Variants in CCDC69 observed in about 807,000 individuals in gnomAD.
CCDC69 encodes coiled-coil domain containing 69, also known as coiled-coil domain-containing protein 69.
In CCDC69, 38 loss-of-function variants were observed where a neutral mutation model predicts 40.3. The observed-to-expected ratio is 0.94, with a 90% CI of 0.73 to 1.24. The LOEUF (loss-of-function observed/expected upper bound fraction) is 1.24, where lower values mean the gene tolerates loss of function less well. CCDC69 is among the 50% of genes most tolerant of loss of function. CCDC69 has a pLI of 0.00. For synonymous variants in CCDC69, 141 were observed against 138.9 expected (o/e 1.02, Z -0.11); for missense variants, 389 against 357.9 (o/e 1.09, Z -0.70).
At chr5:151,217,452 GAA>G (rs1189406260) in intron 1 of CCDC69, among the ~76,000 whole-genome samples, 30 of 152,328 alleles carry the variant, frequency 2.0e-4, no homozygotes, top group African/African-American at 7.2e-4. Context: ...CTTGCGATAT[GAA>G]AGTTTCCTAA....
chr5:151,187,567 GC>G (rs1442783881), intron 4 of CCDC69, 108 bp from the exon 5 acceptor site: 10 of 851,152 alleles, frequency 1.2e-5, no homozygotes, highest in Middle Eastern at 2.3e-4. Context: ...GCCCATAGAG[GC>G]CAGGAGTCTA....
chr5:151,187,538 G>A, intron 4 of CCDC69, 79 bp from the exon 5 acceptor site: 1 of 1,197,518 alleles, frequency 8.4e-7, no homozygotes, highest in Non-Finnish European at 1.2e-6. Flanking sequence ...GGCCAGGAAG[G>A]TCCAGATATT....
intron 1 of CCDC69, among the ~76,000 whole-genome samples, chr5:151,219,573 C>T (rs1422072693): frequency 6.6e-6 from 1 of 151,998 alleles, no homozygotes; most frequent in Non-Finnish European, 1.5e-5. Context: ...GGGAAAATGC[C>T]CCCGGAAGAA....
chr5:151,194,102 A>C (rs1161274939), intron 4 of CCDC69, among the ~76,000 whole-genome samples: 1 of 152,240 alleles, frequency 6.6e-6, no homozygotes, highest in Non-Finnish European at 1.5e-5. Context: ...CTCATACATC[A>C]CAGATGGTGA....
intron 3 of CCDC69, among the ~76,000 whole-genome samples, chr5:151,201,339 T>C (rs906337644): frequency 6.6e-6 from 1 of 152,190 alleles, no homozygotes; most frequent in Non-Finnish European, 1.5e-5. Context: ...CAGCTTTTAC[T>C]CTTCCCAAAT....
intron 4 of CCDC69, among the ~76,000 whole-genome samples, chr5:151,196,884 G>A (rs893522030): frequency 6.6e-6 from 1 of 152,206 alleles, no homozygotes; most frequent in African/African-American, 2.4e-5. Context: ...CACCCAGGGG[G>A]AACTGAAAAC....
In CCDC69 at chr5:151,224,034, CG is replaced by C. The variant is rs1753178825; in HGVS notation, c.-65del. The stretch of plus-strand genomic sequence containing the variant: ...GGGGCCCCCAGAGGAGCCTGCGATC[CG>C]GGCCCCGCTGCCCGCTCCGCGCCCG... On this transcript the variant is annotated 5_prime_UTR_variant, in exon 1 of 9. Coordinates refer to ENST00000355417, the MANE Select transcript of CCDC69 (RefSeq NM_015621.3). 3 of 1,419,914 alleles carry C rather than the reference CG, an allele frequency of 2.1e-6. No individual in the cohort carries two copies. The highest frequency in any genetic ancestry group is 2.8e-6 in the Non-Finnish European group (3 of 1,061,304). 88.0% of individuals were successfully genotyped at this position (1,419,914 alleles called of 1,614,324 possible). A position where few individuals can be genotyped will look rare whatever the true frequency, so the allele number is the denominator to read the frequency against.
At chr5:151,194,026 C>T (rs1242297796) in intron 4 of CCDC69, among the ~76,000 whole-genome samples, 1 of 152,174 alleles carries the variant, frequency 6.6e-6, no homozygotes, top group African/African-American at 2.4e-5. Context: ...TACTGCACAC[C>T]TATTAGAACA....
chr5:151,188,979 G>A (rs1324210412), intron 4 of CCDC69, among the ~76,000 whole-genome samples: 8 of 152,100 alleles, frequency 5.3e-5, no homozygotes, highest in Non-Finnish European at 7.4e-5. Context: ...AGAATCTCAC[G>A]TATTTAGATA....
chr5:151,217,335 T>C (rs1043124222), intron 1 of CCDC69, among the ~76,000 whole-genome samples: 1 of 152,200 alleles, frequency 6.6e-6, no homozygotes, highest in Non-Finnish European at 1.5e-5. Context: ...TGCTGCCTCT[T>C]CTGCTGCCAA....
At chr5:151,215,089 G>T (rs553819951) in intron 1 of CCDC69, among the ~76,000 whole-genome samples, 1 of 152,356 alleles carries the variant, frequency 6.6e-6, no homozygotes, top group South Asian at 2.1e-4. Context: ...TGGCAGGCAG[G>T]ACCCTGAAGG....
rs79604415 is a variant in CCDC69, at chr5:151,200,390, C to T, written c.231+1192G>A. Among the ~76,000 whole-genome samples, 12 of 152,274 alleles carry T rather than the reference C, an allele frequency of 7.9e-5. No individual in the cohort carries two copies. In the East Asian group the frequency reaches 2.1e-3, roughly 27 times the overall value. On this transcript the variant is annotated intron_variant, in intron 3 of 8. Coordinates refer to ENST00000355417, the MANE Select transcript of CCDC69 (RefSeq NM_015621.3). ...CTGACGTCAGGTGATCTGCCTGCCT[C>T]GGCCTCCCAAAGTGCTAGGATTATA... is the stretch of plus-strand genomic sequence containing the variant.
chr5:151,188,442 T>TA (rs1414631490), intron 4 of CCDC69, among the ~76,000 whole-genome samples: 1 of 152,020 alleles, frequency 6.6e-6, no homozygotes, highest in African/African-American at 2.4e-5. Flanking sequence ...CTGTCTCTAC[T>TA]AAAAATACAA....
At position 151,194,891 on chromosome 5, in the gene CCDC69, CAA is replaced by C. The variant is rs59836328; in HGVS notation, c.319+4104_319+4105del. ...TGGGTGACAGGGCGAGCCTCCATCT[CAA>C]AAAAAAAAAAAAAAAAAAGAATCTA... is the stretch of plus-strand genomic sequence containing the variant. On this transcript the variant is annotated intron_variant, in intron 4 of 8. Coordinates refer to ENST00000355417, the MANE Select transcript of CCDC69 (RefSeq NM_015621.3). Among the ~76,000 whole-genome samples, 198 of 92,292 alleles carry C rather than the reference CAA, an allele frequency of 2.1e-3. 1 individual carries two copies. The highest frequency in any genetic ancestry group is 5.5e-3 in the Middle Eastern group (1 of 182). 60.5% of individuals were successfully genotyped at this position (92,292 alleles called of 152,430 possible).
chr5:151,199,897 C>T (rs1477966631), intron 3 of CCDC69, among the ~76,000 whole-genome samples: 5 of 152,158 alleles, frequency 3.3e-5, no homozygotes, highest in Non-Finnish European at 4.4e-5. Context: ...CTGAAAAATG[C>T]GTCTAAGCTA....
intron 7 of CCDC69, chr5:151,184,804 G>C (rs248432): frequency 0.43 from 76,756 of 178,762 alleles, 17,034 homozygotes; most frequent in Middle Eastern, 0.49. Context: ...AAATCTATAC[G>C]GAATGTTTGA....
At chr5:151,210,216 CT>C (rs1752911367) in intron 1 of CCDC69, among the ~76,000 whole-genome samples, 1 of 152,170 alleles carries the variant, frequency 6.6e-6, no homozygotes, top group Admixed American at 6.5e-5. Flanking sequence ...ATTGTTTCCA[CT>C]TTTTAATTTG....
chr5:151,223,691 T>G (rs1449023348), intron 1 of CCDC69, among the ~76,000 whole-genome samples: 1 of 152,180 alleles, frequency 6.6e-6, no homozygotes, highest in Non-Finnish European at 1.5e-5. Flanking sequence ...ATCAGCTGCC[T>G]TTCCCTGGCC....
chr5:151,189,138 G>C (rs1029808748), intron 4 of CCDC69, among the ~76,000 whole-genome samples: 2 of 152,208 alleles, frequency 1.3e-5, no homozygotes, highest in Admixed American at 1.3e-4. Flanking sequence ...ATTATTAACA[G>C]AGTTTTTATG....
Sources: gnomAD v4.1 joint callset for allele counts (sites outside exome capture counted in the v4.1 genomes callset) on GRCh38, gnomAD v4.1.1 for gene constraint, MANE v1.5 for transcripts, NCBI Gene and HGNC (gene_info 2026-07-23, HGNC 2026-07-21) for gene names.